Variants in MAMDC2 observed in about 807,000 individuals in gnomAD.
The protein encoded by MAMDC2 is MAM domain-containing protein 2.
Under a neutral mutation model 89.8 loss-of-function variants are expected in MAMDC2, and 57 were observed. The observed-to-expected ratio is 0.63, with a 90% CI of 0.51 to 0.79. The LOEUF is 0.79. Among genes scored for constraint, MAMDC2 ranks in the 30% least tolerant of loss-of-function variants. MAMDC2 has a pLI of 0.00. For missense variants in MAMDC2, 800 were observed against 820.6 expected, an observed-to-expected ratio of 0.97 and a Z score of 0.31; for synonymous variants, 313 against 293.4, an observed-to-expected ratio of 1.07 and a Z score of -0.68.
At chr9:70,141,184 G>A (rs1484343569) in intron 8 of MAMDC2, among the ~76,000 whole-genome samples, 1 of 152,138 alleles carries the variant, frequency 6.6e-6, no homozygotes, top group Non-Finnish European at 1.5e-5. Context: ...TTTCTTAGAG[G>A]TTGCCTAACC....
chr9:70,071,699 TG>T (rs1010341841), intron 2 of MAMDC2: 4 of 152,180 alleles, frequency 2.6e-5, no homozygotes, highest in African/African-American at 7.2e-5. Context: ...CATTTCCATT[TG>T]GGGAGTTGAT....
intron 9 of MAMDC2, among the ~76,000 whole-genome samples, chr9:70,166,549 AAAT>A (rs1435791487): frequency 2.6e-5 from 4 of 152,064 alleles, no homozygotes; most frequent in South Asian, 4.2e-4. Flanking sequence ...CTGTACTATG[AAAT>A]AATATGCCCA....
intron 11 of MAMDC2, among the ~76,000 whole-genome samples, chr9:70,188,289 GT>G (rs903867562): frequency 1.3e-5 from 2 of 152,096 alleles, no homozygotes; most frequent in Non-Finnish European, 2.9e-5. Context: ...TGATCAGAGT[GT>G]TAACAATTAC....
intron 7 of MAMDC2, among the ~76,000 whole-genome samples, chr9:70,137,795 C>T (rs2031063188): frequency 6.6e-6 from 1 of 152,184 alleles, no homozygotes; most frequent in Admixed American, 6.6e-5. Flanking sequence ...GCTGCACCGA[C>T]TGTATCCCAA....
At chr9:70,193,046 T>C (rs1238997209) in intron 11 of MAMDC2, among the ~76,000 whole-genome samples, 2 of 151,984 alleles carry the variant, frequency 1.3e-5, no homozygotes, top group Non-Finnish European at 2.9e-5. Flanking sequence ...AACTAACTTA[T>C]TAGGGTTCCT....
intron 2 of MAMDC2, among the ~76,000 whole-genome samples, chr9:70,050,965 C>A (rs1311587820): frequency 1.3e-5 from 2 of 152,188 alleles, no homozygotes; most frequent in Non-Finnish European, 2.9e-5. Context: ...TGGTTGTTGT[C>A]AAGAATGCTT....
intron 5 of MAMDC2, among the ~76,000 whole-genome samples, chr9:70,122,430 G>A (rs957381064): frequency 7.9e-5 from 12 of 152,190 alleles, no homozygotes; most frequent in South Asian, 2.1e-4. Flanking sequence ...TCAGATGTCC[G>A]TCATCTGCAA....
At chr9:70,063,257 G>GA (rs1407479445) in intron 2 of MAMDC2, 2 of 151,818 alleles carry the variant, frequency 1.3e-5, no homozygotes, top group Non-Finnish European at 2.9e-5. Flanking sequence ...TGTCTCAAAA[G>GA]AAAAAAAATA....
chr9:70,221,376 T>TAGAGAGAGAGAG, intron 12 of MAMDC2, among the ~76,000 whole-genome samples: 1 of 5,792 alleles, frequency 1.7e-4, no homozygotes, highest in South Asian at 0.011. Flanking sequence ...TATATATATA[T>TAGAGAGAGAGAG]ATATAGAGAG....
chr9:70,208,498 T>A lies in MAMDC2; in HGVS notation c.1652-9839T>A, dbSNP rs2033278217. Among the ~76,000 whole-genome samples the A allele has an allele frequency of 2.0e-5, 3 of 152,232 alleles. 1 individual carries two copies. The highest frequency in any genetic ancestry group is 2.0e-4 in the Admixed American group (3 of 15,282). On this transcript the variant is annotated intron_variant, in intron 11 of 13. Transcript: ENST00000377182. ...ACATTGATTTTGTATCCTGAGACTT[T>A]GCTGAAGTTGCTTATCAGCTTAAGG...
At chr9:70,180,798 T>C (rs534816709) in intron 11 of MAMDC2, among the ~76,000 whole-genome samples, 9 of 152,264 alleles carry the variant, frequency 5.9e-5, no homozygotes, top group African/African-American at 2.2e-4. Flanking sequence ...ACTTTTCTCC[T>C]ATTCTGTAGG....
chr9:70,205,928 C>G (rs756080175), intron 11 of MAMDC2, among the ~76,000 whole-genome samples: 1 of 152,158 alleles, frequency 6.6e-6, no homozygotes, highest in Non-Finnish European at 1.5e-5. Context: ...CAGAGTGGCT[C>G]TGCGTGAAGT....
intron 11 of MAMDC2, among the ~76,000 whole-genome samples, chr9:70,181,710 C>A (rs1204133573): frequency 6.6e-6 from 1 of 152,050 alleles, no homozygotes; most frequent in Non-Finnish European, 1.5e-5. Context: ...GATTTTGTAT[C>A]CAGAGACTTT....
chr9:70,217,315 C>T (rs2033467337), intron 11 of MAMDC2: 1 of 1,386,344 alleles, frequency 7.2e-7, no homozygotes, highest in African/African-American at 1.4e-5. Flanking sequence ...GTCGGCATTC[C>T]TTTCCAAGAG....
chr9:70,093,445 G>C (rs10868507), intron 2 of MAMDC2, among the ~76,000 whole-genome samples: 4 of 138,798 alleles, frequency 2.9e-5, no homozygotes, highest in African/African-American at 1.1e-4. Flanking sequence ...TTTTTCTTCA[G>C]ATGGAGCCTT....
At chr9:70,135,845 C>T (rs2030982022) in intron 7 of MAMDC2, among the ~76,000 whole-genome samples, 1 of 152,012 alleles carries the variant, frequency 6.6e-6, no homozygotes, top group African/African-American at 2.4e-5. Context: ...ATTTTCATTG[C>T]CCTAAAAACC....
intron 2 of MAMDC2, among the ~76,000 whole-genome samples, chr9:70,049,446 G>A (rs535066519): frequency 3.9e-5 from 6 of 152,216 alleles, no homozygotes; most frequent in Non-Finnish European, 8.8e-5. Context: ...ATCTGGCAAG[G>A]ATCCCAGGTT....
At chr9:70,196,898 T>C (rs1226737819) in intron 11 of MAMDC2, among the ~76,000 whole-genome samples, 2 of 152,060 alleles carry the variant, frequency 1.3e-5, no homozygotes, top group Non-Finnish European at 2.9e-5. Flanking sequence ...TCAGAAAGCA[T>C]GGGTGACAGT....
chr9:70,044,579 C>T lies in MAMDC2; in HGVS notation c.35-5C>T, dbSNP rs2117944945. The stretch of plus-strand genomic sequence containing the variant: ...CTCGAACTGAAACTCGCTTTGTGCC[C>T]GCAGCCCTGCAGCTCGCCGGTGCCC... On this transcript the variant is annotated splice_region_variant and splice_polypyrimidine_tract_variant and intron_variant, in intron 1 of 13. Transcript: ENST00000377182. The T allele has an allele frequency of 1.3e-6, 2 of 1,548,578 alleles. No individual in the cohort carries two copies. Among genetic ancestry groups the T allele is most frequent in the Non-Finnish European group, 1.7e-6 (2 of 1,146,348 alleles).
Sources: gnomAD v4.1 joint callset for allele counts (sites outside exome capture counted in the v4.1 genomes callset) on GRCh38, gnomAD v4.1.1 for gene constraint, MANE v1.5 for transcripts, NCBI Gene and HGNC (gene_info 2026-07-23, HGNC 2026-07-21) for gene names.